RELN: variants seen among roughly 807,000 people sequenced by gnomAD.
The protein encoded by RELN is reelin.
A neutral mutation model predicts 427.6 loss-of-function variants in RELN; 108 were observed. That is an observed-to-expected ratio of 0.25 (90% CI 0.22 to 0.30). The LOEUF (loss-of-function observed/expected upper bound fraction) is 0.30, where lower values mean the gene tolerates loss of function less well. RELN is among the 10% of genes least tolerant of loss of function. RELN has a pLI of 1.00. For synonymous variants in RELN, 1,524 were observed against 1,513.4 expected, an observed-to-expected ratio of 1.01 and a Z score of -0.16; for missense variants, 3,715 against 4,302.8, an observed-to-expected ratio of 0.86 and a Z score of 3.82.
chr7:103,957,466 A>C lies in RELN; in HGVS notation c.226+31665T>G, dbSNP rs534184562. Among the ~76,000 whole-genome samples the C allele has an allele frequency of 3.3e-5, 5 of 152,296 alleles. No individual in the cohort carries two copies. The East Asian group carries it at 9.7e-4, about 29-fold the overall frequency. On this transcript the variant is annotated intron_variant, in intron 1 of 64. Coordinates refer to ENST00000428762, the MANE Select transcript of RELN (RefSeq NM_005045.4). ...TTCATAAAACACTGCCACATGTCTAATTTCACCTTCGTGGCAATCTCGTAT... is the reference window on the plus strand; with the variant it reads ...TTCATAAAACACTGCCACATGTCTACTTTCACCTTCGTGGCAATCTCGTAT...
At chr7:103,553,927 G>T in intron 38 of RELN, 96 bp from the exon 39 acceptor site, 1 of 1,004,230 alleles carries the variant, frequency 1.0e-6, no homozygotes. Flanking sequence ...AAGCAACTCA[G>T]TAACAATAGG....
chr7:103,503,023 C>T lies in RELN; in HGVS notation c.8482G>A (p.Val2828Met). 1 of 1,613,986 alleles carries T rather than the reference C, an allele frequency of 6.2e-7. No homozygotes were observed. Among genetic ancestry groups the T allele is most frequent in the African/African-American group, 1.3e-5 (1 of 75,036 alleles). ...RITYPLPESL[V>M]GNPVRFRFYQ... ...TTTTAGTTTTCTACTTACTTTCCCA[C>T]TAAGCTTTCAGGAAGTGGGTAGGTG... The change falls in exon 52 of 65, where the codon GTG becomes ATG. Residue 2828 changes from valine to methionine, a missense_variant. Physicochemically the swap from Val to Met is conservative, Grantham distance 21. Around this residue, in one of 4 missense-constraint regions of RELN, gnomAD observed 1,310 missense variants for 1,643.0 expected, o/e 0.80. Coordinates refer to ENST00000428762, the MANE Select transcript of RELN (RefSeq NM_005045.4).
intron 4 of RELN, among the ~76,000 whole-genome samples, chr7:103,754,204 T>A (rs1047313819): frequency 6.6e-6 from 1 of 152,052 alleles, no homozygotes; most frequent in Non-Finnish European, 1.5e-5. Flanking sequence ...TCATTAATAG[T>A]TTTAAATTGA....
chr7:103,553,502 G>A lies in RELN; in HGVS notation c.6031C>T (p.Arg2011Cys), dbSNP rs374628146. 26 of 1,613,908 alleles carry A rather than the reference G, an allele frequency of 1.6e-5. No individual in the cohort carries two copies. Among genetic ancestry groups the A allele is most frequent in the Admixed American group, 5.0e-5 (3 of 60,018 alleles). ...NEVGEHSITTRDLNVNENTII... is the reference protein window; with the variant it reads ...NEVGEHSITTCDLNVNENTII... ...GTGTTCTCATTCACATTTAGGTCACGGGTGGTAATGGAATGCTCACCAACT... is the reference window on the plus strand; with the variant it reads ...GTGTTCTCATTCACATTTAGGTCACAGGTGGTAATGGAATGCTCACCAACT... Residue 2011 changes from arginine to cysteine, a missense_variant, in exon 40 of 65, where the codon CGT (arginine) becomes TGT (cysteine). Around this residue, in one of 4 missense-constraint regions of RELN, gnomAD observed 1,310 missense variants for 1,643.0 expected, o/e 0.80. Transcript: ENST00000428762.
At chr7:103,748,528 T>A (rs1302568718) in intron 6 of RELN, among the ~76,000 whole-genome samples, 1 of 152,208 alleles carries the variant, frequency 6.6e-6, no homozygotes, top group Non-Finnish European at 1.5e-5. Flanking sequence ...AAAGATGTGG[T>A]CTTAGTGTCT....
chr7:103,739,479 C>G (rs1790584067), intron 6 of RELN, among the ~76,000 whole-genome samples: 1 of 152,164 alleles, frequency 6.6e-6, no homozygotes, highest in Non-Finnish European at 1.5e-5. Flanking sequence ...TTGCTAACAG[C>G]ACTGGTAAAG....
intron 11 of RELN, among the ~76,000 whole-genome samples, chr7:103,665,186 G>A (rs918038903): frequency 6.6e-6 from 1 of 151,976 alleles, no homozygotes; most frequent in Non-Finnish European, 1.5e-5. Flanking sequence ...ACTGTTAACC[G>A]TTGGCCCTAA....
In RELN at chr7:103,593,736, T is replaced by A. The variant is rs1831474115; in HGVS notation, c.3858A>T (p.Arg1286=). ...AMIFGKSDGD[R]FAVTRDLTLK... ...GGGTCAAATCTCGAGTTACTGCAAA[T>A]CGATCTCCATCTGATTTTCCAAATA... Residue 1286 remains arginine, a synonymous_variant, in exon 27 of 65, where the codon CGA becomes CGT. Transcript: ENST00000428762. 3 of 1,613,970 alleles carry A rather than the reference T, an allele frequency of 1.9e-6. No homozygotes were observed. Among genetic ancestry groups the A allele is most frequent in the South Asian group, 2.2e-5 (2 of 91,078 alleles).
At chr7:103,665,152 A>G (rs962099469) in intron 11 of RELN, among the ~76,000 whole-genome samples, 1 of 152,090 alleles carries the variant, frequency 6.6e-6, no homozygotes, top group East Asian at 1.9e-4. Context: ...GGTTTTTTCT[A>G]TACAGATAGG....
At chr7:103,823,805 T>C in intron 3 of RELN, among the ~76,000 whole-genome samples, 1 of 152,122 alleles carries the variant, frequency 6.6e-6, no homozygotes, top group East Asian at 1.9e-4. Flanking sequence ...TCTGGGTTTG[T>C]TTTCATTTTA....
intron 2 of RELN, among the ~76,000 whole-genome samples, chr7:103,862,346 T>G (rs978244162): frequency 6.6e-6 from 1 of 152,138 alleles, no homozygotes; most frequent in Non-Finnish European, 1.5e-5. Context: ...AGCTGAAAAT[T>G]AATTTGTAAT....
chr7:103,792,745 C>G (rs1792199220), intron 3 of RELN, among the ~76,000 whole-genome samples: 1 of 151,456 alleles, frequency 6.6e-6, no homozygotes, highest in Non-Finnish European at 1.5e-5. Flanking sequence ...CTAAAAGCCA[C>G]CTAATTGTAT....
At chr7:103,870,519 A>C (rs1439006678) in intron 2 of RELN, among the ~76,000 whole-genome samples, 1 of 152,062 alleles carries the variant, frequency 6.6e-6, no homozygotes, top group Non-Finnish European at 1.5e-5. Context: ...ATCCAAGCTC[A>C]GTCATCCTTG....
At chr7:103,671,950 T>C (rs1833401615) in intron 11 of RELN, among the ~76,000 whole-genome samples, 1 of 152,148 alleles carries the variant, frequency 6.6e-6, no homozygotes, top group Admixed American at 6.6e-5. Context: ...TTACCTTGAA[T>C]TGCAAGCTTA....
rs762891598 is a variant in RELN, at chr7:103,545,367, C to G, written c.6303-23G>C. The G allele has an allele frequency of 2.4e-5, 36 of 1,531,902 alleles. No homozygotes were observed. The Middle Eastern group carries it at 5.1e-4, about 21-fold the overall frequency. The allele number at this position is 1,531,902 out of a possible 1,614,324, so 94.9% of individuals were successfully genotyped here. A position where few individuals can be genotyped will look rare whatever the true frequency, so the allele number is the denominator to read the frequency against. ...GATCTGGAAAAGAGGACAAGTCTTT[C>G]AAAAGCTAATCAACAGAACAATATA... On this transcript the variant is annotated intron_variant, in intron 41 of 64. Coordinates refer to ENST00000428762, the MANE Select transcript of RELN (RefSeq NM_005045.4).
intron 64 of RELN, among the ~76,000 whole-genome samples, chr7:103,477,110 A>G (rs924163156): frequency 6.6e-6 from 1 of 152,184 alleles, no homozygotes; most frequent in African/African-American, 2.4e-5. Context: ...GGAAATGATA[A>G]TGTAAATGTC....
intron 2 of RELN, among the ~76,000 whole-genome samples, chr7:103,879,782 A>G (rs1050479652): frequency 5.3e-5 from 8 of 152,186 alleles, no homozygotes; most frequent in Non-Finnish European, 1.2e-4. Flanking sequence ...CCCACAGGCC[A>G]GTTTTCTTTA....
At chr7:103,970,188 C>G (rs1406603897) in intron 1 of RELN, among the ~76,000 whole-genome samples, 1 of 151,188 alleles carries the variant, frequency 6.6e-6, no homozygotes, top group African/African-American at 2.4e-5. Context: ...AGTCACCCAG[C>G]CTGGAGTGCA....
In RELN at chr7:103,824,890, T is replaced by C. The variant is rs1179008205; in HGVS notation, c.473+8647A>G. ...CATAAATACTAATTTTTAAAAGAAA[T>C]ATAGAGTGGTAGTATAGGATGGTGG... On this transcript the variant is annotated intron_variant, in intron 3 of 64. Transcript: ENST00000428762. This position sits in a 1 kb window ranked among gnomAD's most constrained non-coding sequence, Gnocchi z 4.4. 2.0e-5 allele frequency among the ~76,000 whole-genome samples: 3 copies of C among 151,964 alleles called. No homozygotes were observed. Among genetic ancestry groups the C allele is most frequent in the Non-Finnish European group, 4.4e-5 (3 of 67,976 alleles).
Sources: gnomAD v4.1 joint callset for allele counts (sites outside exome capture counted in the v4.1 genomes callset) on GRCh38, gnomAD v4.1.1 for gene constraint, gnomAD v4.1.1 regional missense constraint, Gnocchi (gnomAD v3.1) non-coding constraint, MANE v1.5 for transcripts, NCBI Gene and HGNC (gene_info 2026-07-23, HGNC 2026-07-21) for gene names.